RNF146: variants seen among roughly 807,000 people sequenced by gnomAD.
RNF146 encodes the protein E3 ubiquitin-protein ligase RNF146.
In RNF146, 11 loss-of-function variants were observed where a neutral mutation model predicts 29.7. That is an observed-to-expected ratio of 0.37 (90% CI 0.23 to 0.61). The LOEUF (loss-of-function observed/expected upper bound fraction) is 0.61. RNF146 is among the 20% of genes least tolerant of loss of function. RNF146 has a pLI of 0.66. For missense variants in RNF146, 342 were observed against 438.9 expected (o/e 0.78, Z 1.97); for synonymous variants, 150 against 159.7 (o/e 0.94, Z 0.46).
chr6:127,280,294 A>C lies in RNF146; in HGVS notation c.-45A>C. ...AAGCTGGCTGACTGCTGGTGAAGAAAATGCTTTATTTTTGTGGCAGGCATC... is the reference window on the plus strand; with the variant it reads ...AAGCTGGCTGACTGCTGGTGAAGAACATGCTTTATTTTTGTGGCAGGCATC... On this transcript the variant is annotated 5_prime_UTR_variant, in exon 2 of 3. Coordinates refer to ENST00000368314, the MANE Select transcript of RNF146 (RefSeq NM_001242850.2). 1 of 1,546,106 alleles carries C rather than the reference A, an allele frequency of 6.5e-7. No individual in the cohort carries two copies. Among genetic ancestry groups the C allele is most frequent in the East Asian group, 2.5e-5 (1 of 40,810 alleles).
intron 1 of RNF146, 35 bp from the exon 2 acceptor site, chr6:127,280,196 C>T: frequency 1.3e-6 from 1 of 759,414 alleles, no homozygotes; most frequent in Non-Finnish European, 2.2e-6. Context: ...TTAACTGATT[C>T]TCTTGATCTT....
Position 127,286,043 on chromosome 6 carries a change from T to G in RNF146, c.3-573T>G. 8.1e-7 allele frequency: 1 copy of G among 1,228,280 alleles called. No individual in the cohort carries two copies. Among genetic ancestry groups the G allele is most frequent in the Non-Finnish European group, 1.0e-6 (1 of 985,398 alleles). 76.1% of individuals were successfully genotyped at this position (1,228,280 alleles called of 1,614,324 possible). A position where few individuals can be genotyped will look rare whatever the true frequency, so the allele number is the denominator to read the frequency against. On this transcript the variant is annotated intron_variant, in intron 2 of 2. Transcript: ENST00000368314. This position sits in a 1 kb window ranked among gnomAD's most constrained non-coding sequence, Gnocchi z 4.6. The stretch of plus-strand genomic sequence containing the variant: ...TTTGACAAATCTTTTTTCTTCTTCC[T>G]CTTCAGGGGATCTTCAATATTCATG...
In RNF146 at chr6:127,286,686, T is replaced by C. The variant is rs10081141; in HGVS notation, c.73T>C (p.Cys25Arg). The C allele has an allele frequency of 8.6e-4, 1,389 of 1,613,308 alleles. 12 individuals are homozygous for C. In the African/African-American group the frequency reaches 0.015, roughly 18 times the overall value. ...TACAAACAGGAAAGCGAACGAGTCC[T>C]GTTCTAATACTGCACCTTCTTTAAC... The part of the protein sequence containing the change: ...LPTNRKANES[C>R]SNTAPSLTVP... Residue 25 changes from cysteine (C) to arginine (R), a missense_variant, in exon 3 of 3, where the codon TGT becomes CGT. By Grantham distance (180) the Cys-to-Arg change is radical (BLOSUM62 -3). This residue lies in a region of RNF146 where 39 missense variants were observed against 43.1 expected (regional missense o/e 0.90). Coordinates refer to ENST00000368314, the MANE Select transcript of RNF146 (RefSeq NM_001242850.2). This position sits in a 1 kb window ranked among gnomAD's most constrained non-coding sequence, Gnocchi z 4.6.
intron 1 of RNF146, among the ~76,000 whole-genome samples, chr6:127,279,463 T>C (rs1294892926): frequency 6.6e-6 from 1 of 151,882 alleles, no homozygotes; most frequent in African/African-American, 2.4e-5. Context: ...CTCTCAATTC[T>C]ATATCATTGG....
At chr6:127,283,239 A>C (rs1198428462) in intron 2 of RNF146, among the ~76,000 whole-genome samples, 2 of 151,786 alleles carry the variant, frequency 1.3e-5, no homozygotes, top group African/African-American at 4.8e-5. Flanking sequence ...TTCAGTAAAA[A>C]CGTCTTTGAA....
In RNF146 at chr6:127,286,972, G is replaced by A. The variant is rs778664929; in HGVS notation, c.359G>A (p.Arg120His). ...AATGGGTGGTGGCAGTACGATGAGC[G>A]CACTAGTAGAGAGCTGGAAGATGCT... The part of the protein sequence containing the change: ...GRNGWWQYDE[R>H]TSRELEDAFS... The change falls in exon 3 of 3, where the codon CGC becomes CAC. Residue 120 changes from arginine (R) to histidine (H), a missense_variant. Physicochemically the swap from Arg to His is conservative, Grantham distance 29. Transcript: ENST00000368314. The surrounding 1 kb of genome is among the most constrained non-coding windows in gnomAD (Gnocchi z 4.6). The A allele has an allele frequency of 5.0e-6, 8 of 1,613,250 alleles. No homozygotes were observed. The highest frequency in any genetic ancestry group is 1.1e-5 in the South Asian group (1 of 91,074).
At chr6:127,282,705 C>T (rs1779061496) in intron 2 of RNF146, among the ~76,000 whole-genome samples, 1 of 151,680 alleles carries the variant, frequency 6.6e-6, no homozygotes, top group African/African-American at 2.4e-5. Context: ...CCTCCTCCTG[C>T]ATTACCAAAC....
At chr6:127,271,614 G>A (rs1777511713) in intron 1 of RNF146, among the ~76,000 whole-genome samples, 1 of 152,068 alleles carries the variant, frequency 6.6e-6, no homozygotes, top group Non-Finnish European at 1.5e-5. Flanking sequence ...GAGTTATTGA[G>A]CACTTGACAT....
chr6:127,282,039 G>A (rs973904981), intron 2 of RNF146, among the ~76,000 whole-genome samples: 4 of 151,664 alleles, frequency 2.6e-5, no homozygotes, highest in African/African-American at 9.7e-5. Flanking sequence ...TGTCTTGGCC[G>A]AGTAAAAGTT....
At chr6:127,272,990 G>T (rs1299433500) in intron 1 of RNF146, among the ~76,000 whole-genome samples, 2 of 152,294 alleles carry the variant, frequency 1.3e-5, no homozygotes, top group South Asian at 2.1e-4. Context: ...TAAGGTGTCT[G>T]TCTGAAATGA....
chr6:127,286,095 T>C lies in RNF146; in HGVS notation c.3-521T>C, dbSNP rs1230109200. The C allele has an allele frequency of 8.1e-7, 1 of 1,229,714 alleles. No individual in the cohort carries two copies. The highest frequency in any genetic ancestry group is 3.2e-5 in the East Asian group (1 of 31,588). The allele number at this position is 1,229,714 out of a possible 1,614,324, so 76.2% of individuals were successfully genotyped here. A position where few individuals can be genotyped will look rare whatever the true frequency, so the allele number is the denominator to read the frequency against. Reference sequence around the variant, plus strand: ...TATTTTCTCCTTTGGTCTTATATGATTGTTACCTTTATGAAGCTTTAGTGA... The same window carrying C: ...TATTTTCTCCTTTGGTCTTATATGACTGTTACCTTTATGAAGCTTTAGTGA... On this transcript the variant is annotated intron_variant, in intron 2 of 2. Coordinates refer to ENST00000368314, the MANE Select transcript of RNF146 (RefSeq NM_001242850.2). The surrounding 1 kb of genome is among the most constrained non-coding windows in gnomAD (Gnocchi z 4.6).
intron 1 of RNF146, among the ~76,000 whole-genome samples, chr6:127,271,297 C>T (rs190490774): frequency 1.5e-3 from 221 of 152,146 alleles, no homozygotes; most frequent in African/African-American, 5.1e-3. Context: ...ATTTTGACTG[C>T]GCAGGGTGTA....
chr6:127,280,454 T>C (rs1778778699), intron 2 of RNF146, 114 bp downstream of exon 2: 1 of 1,380,584 alleles, frequency 7.2e-7, no homozygotes, highest in East Asian at 2.6e-5. Flanking sequence ...AAATGAGCAT[T>C]TTCTTTTGAC....
chr6:127,275,664 A>G (rs1045166547), intron 1 of RNF146, among the ~76,000 whole-genome samples: 3 of 152,100 alleles, frequency 2.0e-5, no homozygotes, highest in Admixed American at 2.0e-4. Context: ...CAAAACATAG[A>G]GGAGAGAACA....
intron 1 of RNF146, among the ~76,000 whole-genome samples, 179 bp from the exon 2 acceptor site, chr6:127,280,052 C>T (rs1386511717): frequency 6.6e-6 from 1 of 151,762 alleles, no homozygotes; most frequent in Non-Finnish European, 1.5e-5. Flanking sequence ...GCCTTTATCT[C>T]TTTTCCCTAA....
At chr6:127,276,183 A>C (rs191570412) in intron 1 of RNF146, among the ~76,000 whole-genome samples, 1 of 151,928 alleles carries the variant, frequency 6.6e-6, no homozygotes, top group African/African-American at 2.4e-5. Context: ...AGAGAGTGAG[A>C]GAGAGAGAAT....
chr6:127,275,828 A>T (rs1251666564), intron 1 of RNF146, among the ~76,000 whole-genome samples: 1 of 152,112 alleles, frequency 6.6e-6, no homozygotes, highest in African/African-American at 2.4e-5. Flanking sequence ...TTGCAGGACT[A>T]TGAGTAATTT....
chr6:127,268,908 T>G (rs1169494768), intron 1 of RNF146, among the ~76,000 whole-genome samples: 1 of 152,196 alleles, frequency 6.6e-6, no homozygotes, highest in African/African-American at 2.4e-5. Flanking sequence ...AAAAGGATAT[T>G]AAATCTTTTG....
At chr6:127,280,188 A>C in intron 1 of RNF146, 43 bp from the exon 2 acceptor site, 1 of 720,534 alleles carries the variant, frequency 1.4e-6, no homozygotes, top group Non-Finnish European at 2.3e-6. Context: ...ATACATAATT[A>C]ACTGATTCTC....
Sources: gnomAD v4.1 joint callset for allele counts (sites outside exome capture counted in the v4.1 genomes callset) on GRCh38, gnomAD v4.1.1 for gene constraint, gnomAD v4.1.1 regional missense constraint, Gnocchi (gnomAD v3.1) non-coding constraint, MANE v1.5 for transcripts, NCBI Gene and HGNC (gene_info 2026-07-23, HGNC 2026-07-21) for gene names.